The following GOLT1A variants were observed in gnomAD, a reference collection of about 807,000 sequenced individuals.
GOLT1A encodes the protein golgi transport 1A.
GOLT1A carries 10 observed loss-of-function variants against 16.1 expected under a neutral mutation model. That is an observed-to-expected ratio of 0.62 (90% CI 0.38 to 1.05). The LOEUF is 1.05. Ranked by LOEUF, GOLT1A falls within the 50% of genes least tolerant of loss-of-function variation. The probability of loss-of-function intolerance (pLI) is 0.01; values close to 1 mark genes in which losing one functional copy is unlikely to be tolerated. For synonymous variants in GOLT1A, 60 were observed against 67.9 expected (o/e 0.88, Z 0.57); for missense variants, 137 against 165.7 (o/e 0.83, Z 0.95).
intron 1 of GOLT1A, among the ~76,000 whole-genome samples, chr1:204,207,416 G>A (rs1322053056): frequency 6.6e-6 from 1 of 152,148 alleles, no homozygotes; most frequent in African/African-American, 2.4e-5. Context: ...CCCTGGCAAG[G>A]TACACTGATG....
At position 204,199,014 on chromosome 1, in the gene GOLT1A, G is replaced by A; in HGVS notation, c.360+181C>T. ...GGATCCCCTCTCCTCATGGGCTCTT[G>A]TCAAATGGAGAAGGTGCGGGGGGAA... On this transcript the variant is annotated intron_variant, in intron 4 of 4. Transcript: ENST00000308302. 3 of 603,836 alleles carry A rather than the reference G, an allele frequency of 5.0e-6. No individual in the cohort carries two copies. In the South Asian group the frequency reaches 6.1e-5, roughly 12 times the overall value. The allele number at this position is 603,836 out of a possible 1,614,324, so 37.4% of individuals were successfully genotyped here.
rs575061186 is a variant in GOLT1A at position 204,201,116 on chromosome 1, A to T, written c.296+517T>A. Among the ~76,000 whole-genome samples, 3 of 152,254 alleles carry T rather than the reference A, an allele frequency of 2.0e-5. No homozygotes were observed. In the South Asian group the frequency reaches 6.2e-4, roughly 32 times the overall value. ...GCCTTTTCCCAGGCCCAGGGCTGAC[A>T]CAGGCCTGGCCAGGGGATGACACAG... On this transcript the variant is annotated intron_variant, in intron 3 of 4. Transcript: ENST00000308302.
Position 204,201,823 on chromosome 1 carries a change from G to A in GOLT1A, c.118-12C>T, listed in dbSNP as rs747665036. On this transcript the variant is annotated splice_polypyrimidine_tract_variant and intron_variant, in intron 2 of 4. Coordinates refer to ENST00000308302, the MANE Select transcript of GOLT1A (RefSeq NM_198447.2). Reference sequence around the variant, plus strand: ...GTCAGGAACAGCAGCTGTAGGGGAGGGAGGGGAGCATGAAGCAAACCCACC... The same window carrying A: ...GTCAGGAACAGCAGCTGTAGGGGAGAGAGGGGAGCATGAAGCAAACCCACC... The A allele has an allele frequency of 9.2e-5, 148 of 1,612,676 alleles. 2 individuals carry two copies. The Admixed American group carries it at 2.5e-3, about 27-fold the overall frequency.
chr1:204,203,774 CTGACAATGAGCCCCCATTCCCAAGGTT>C (rs1658998434), intron 1 of GOLT1A, among the ~76,000 whole-genome samples: 1 of 151,930 alleles, frequency 6.6e-6, no homozygotes, highest in African/African-American at 2.4e-5. Context: ...TGGACCCACA[CTGACAATGAGCCCCCATTCCCAAGGTT>C]TGACAGTGAG....
intron 4 of GOLT1A, 90 bp downstream of exon 4, chr1:204,199,105 C>T: frequency 8.5e-7 from 1 of 1,175,868 alleles, no homozygotes; most frequent in Non-Finnish European, 1.2e-6. Flanking sequence ...GGCCACTGCC[C>T]CTGGGGCAGC....
At chr1:204,198,843 G>GC (rs1329970552) in intron 4 of GOLT1A, 1 of 476,500 alleles carries the variant, frequency 2.1e-6, no homozygotes, top group Non-Finnish European at 3.7e-6. Context: ...CATGCCTGGG[G>GC]CCCGCACTTA....
chr1:204,211,193 C>A (rs1356164566), intron 1 of GOLT1A, among the ~76,000 whole-genome samples: 1 of 152,144 alleles, frequency 6.6e-6, no homozygotes, highest in Non-Finnish European at 1.5e-5. Flanking sequence ...GCTCAAAGGT[C>A]TTGCAAAACA....
intron 1 of GOLT1A, among the ~76,000 whole-genome samples, chr1:204,207,578 T>A (rs1008988369): frequency 2.0e-5 from 3 of 152,242 alleles, no homozygotes; most frequent in Non-Finnish European, 4.4e-5. Flanking sequence ...ATGTCTTTCT[T>A]GCTCCAGAAA....
chr1:204,208,472 G>GTATA (rs1317319058), intron 1 of GOLT1A, among the ~76,000 whole-genome samples: 1 of 28,850 alleles, frequency 3.5e-5, no homozygotes, highest in Non-Finnish European at 8.6e-5. Flanking sequence ...GTGTGTGTGT[G>GTATA]TGTGTATATA....
At chr1:204,201,571 G>T in intron 3 of GOLT1A, 62 bp downstream of exon 3, 1 of 1,535,804 alleles carries the variant, frequency 6.5e-7, no homozygotes, top group Non-Finnish European at 8.9e-7. Context: ...CCCTGCTGGG[G>T]TGATCTCAGC....
chr1:204,201,558 A>C (rs1571672770), intron 3 of GOLT1A, 75 bp downstream of exon 3: 1 of 1,448,932 alleles, frequency 6.9e-7, no homozygotes, highest in Non-Finnish European at 9.5e-7. Flanking sequence ...CAGCTTCTGC[A>C]CTCCCTGCTG....
intron 3 of GOLT1A, 88 bp from the exon 4 acceptor site, chr1:204,199,346 A>C (rs1658915301): frequency 1.9e-6 from 2 of 1,041,222 alleles, no homozygotes; most frequent in Non-Finnish European, 2.9e-6. Context: ...TGAAAGGTTC[A>C]AGCTCTGGCT....
chr1:204,213,717 C>T (rs941475431), intron 1 of GOLT1A, among the ~76,000 whole-genome samples, 165 bp downstream of exon 1: 1 of 152,200 alleles, frequency 6.6e-6, no homozygotes, highest in African/African-American at 2.4e-5. Flanking sequence ...GGGTAGGGAG[C>T]CACACCCCAC....
At chr1:204,212,454 T>C (rs1659152775) in intron 1 of GOLT1A, among the ~76,000 whole-genome samples, 1 of 151,860 alleles carries the variant, frequency 6.6e-6, no homozygotes, top group African/African-American at 2.4e-5. Flanking sequence ...CTGGTAAACG[T>C]GGAGAAACCC....
intron 1 of GOLT1A, among the ~76,000 whole-genome samples, chr1:204,210,461 T>G (rs202026352): frequency 6.6e-6 from 1 of 152,226 alleles, no homozygotes; most frequent in Non-Finnish European, 1.5e-5. Flanking sequence ...CTCGCTCTGT[T>G]GCCTAGGCTG....
At chr1:204,208,955 T>G (rs1335679423) in intron 1 of GOLT1A, among the ~76,000 whole-genome samples, 1 of 152,204 alleles carries the variant, frequency 6.6e-6, no homozygotes, top group Admixed American at 6.5e-5. Flanking sequence ...AGACTCCATT[T>G]AAGTTTCATC....
At chr1:204,208,988 A>G (rs1228533709) in intron 1 of GOLT1A, among the ~76,000 whole-genome samples, 5 of 152,230 alleles carry the variant, frequency 3.3e-5, no homozygotes, top group African/African-American at 1.2e-4. Context: ...AGCATCATTT[A>G]TAGCAAAATA....
At chr1:204,198,915 A>C (rs1658906749) in intron 4 of GOLT1A, 1 of 507,422 alleles carries the variant, frequency 2.0e-6, no homozygotes, top group African/African-American at 1.9e-5. Context: ...CTGCGTCTTC[A>C]TTTCTTTGGC....
chr1:204,198,580 C>T, intron 4 of GOLT1A, 84 bp from the exon 5 acceptor site: 1 of 1,344,114 alleles, frequency 7.4e-7, no homozygotes, highest in Non-Finnish European at 1.0e-6. Flanking sequence ...GCCTTGAGAG[C>T]CAGGAGCTGT....
Sources: gnomAD v4.1 joint callset for allele counts (sites outside exome capture counted in the v4.1 genomes callset) on GRCh38, gnomAD v4.1.1 for gene constraint, MANE v1.5 for transcripts, NCBI Gene and HGNC (gene_info 2026-07-23, HGNC 2026-07-21) for gene names.